The following MVB12B variants were observed in gnomAD, a reference collection of about 807,000 sequenced individuals.
MVB12B encodes the protein multivesicular body subunit 12B.
Under a neutral mutation model 41.6 loss-of-function variants are expected in MVB12B, and 16 were observed. The ratio of observed to expected loss-of-function variants is 0.38; its 90% CI spans 0.26 to 0.58. The LOEUF (loss-of-function observed/expected upper bound fraction) is 0.58, where lower values mean the gene tolerates loss of function less well. MVB12B is among the 20% of genes least tolerant of loss of function. The pLI, the probability that MVB12B is intolerant of heterozygous loss-of-function variation, is 0.62. For synonymous variants in MVB12B, 133 were observed against 139.7 expected, an observed-to-expected ratio of 0.95 and a Z score of 0.34; for missense variants, 274 against 380.2, an observed-to-expected ratio of 0.72 and a Z score of 2.32.
intron 2 of MVB12B, among the ~76,000 whole-genome samples, chr9:126,352,605 C>T (rs1230889688): frequency 6.6e-6 from 1 of 152,202 alleles, no homozygotes; most frequent in African/African-American, 2.4e-5. Flanking sequence ...GAACTCACCA[C>T]CATGTTGTTC....
At chr9:126,454,352 CTT>C (rs1351683258) in intron 7 of MVB12B, among the ~76,000 whole-genome samples, 4 of 152,248 alleles carry the variant, frequency 2.6e-5, no homozygotes, top group Non-Finnish European at 5.9e-5. Flanking sequence ...GTTCCAGCCT[CTT>C]TCCTTCATCC....
intron 9 of MVB12B, among the ~76,000 whole-genome samples, chr9:126,489,251 A>G (rs1326692621): frequency 6.6e-6 from 1 of 152,202 alleles, no homozygotes; most frequent in Non-Finnish European, 1.5e-5. Flanking sequence ...TGCCTGGGGT[A>G]GGGGACAAAT....
At chr9:126,410,185 G>A (rs914658132) in intron 6 of MVB12B, among the ~76,000 whole-genome samples, 1 of 151,026 alleles carries the variant, frequency 6.6e-6, no homozygotes, top group African/African-American at 2.4e-5. Context: ...ACGCATGCAC[G>A]CGCATGCATG....
rs1418280478 is a variant in MVB12B at position 126,478,483 on chromosome 9, G to A, written c.758-2886G>A. 1.3e-5 allele frequency among the ~76,000 whole-genome samples: 2 copies of A among 152,184 alleles called. No homozygotes were observed. Among genetic ancestry groups the A allele is most frequent in the East Asian group, 3.9e-4 (2 of 5,170 alleles). On this transcript the variant is annotated intron_variant, in intron 7 of 9. Transcript: ENST00000361171. The surrounding 1 kb of genome is among the most constrained non-coding windows in gnomAD (Gnocchi z 4.2). Reference sequence around the variant, plus strand: ...TACAATAAGAGGAGAGGAGACACGGGCCTGGCCAGACCCCAGGGAGGACCT... The same window carrying A: ...TACAATAAGAGGAGAGGAGACACGGACCTGGCCAGACCCCAGGGAGGACCT...
At chr9:126,402,713 C>T (rs1831300807) in intron 6 of MVB12B, among the ~76,000 whole-genome samples, 1 of 152,212 alleles carries the variant, frequency 6.6e-6, no homozygotes, top group African/African-American at 2.4e-5. Context: ...GGCCTTCAGA[C>T]ACTTCTGCAG....
Position 126,456,610 on chromosome 9 carries a change from G to T in MVB12B, c.758-24759G>T, listed in dbSNP as rs111479278. ...CTCAGATACTCGGAATATGGTTGAA[G>T]CCTGACTGAATCATAAAGACTGCCT... On this transcript the variant is annotated intron_variant, in intron 7 of 9. Coordinates refer to ENST00000361171, the MANE Select transcript of MVB12B (RefSeq NM_033446.3). Among the ~76,000 whole-genome samples, 590 of 152,288 alleles carry T rather than the reference G, an allele frequency of 3.9e-3. 3 individuals carry two copies. Among genetic ancestry groups the T allele is most frequent in the African/African-American group, 0.014 (568 of 41,562 alleles).
At chr9:126,405,639 A>G (rs758551614) in intron 6 of MVB12B, among the ~76,000 whole-genome samples, 9 of 147,492 alleles carry the variant, frequency 6.1e-5, no homozygotes, top group Non-Finnish European at 1.0e-4. Context: ...CGCCCCAACT[A>G]TGCTGCTCTA....
rs533045410 is a variant in MVB12B at position 126,496,649 on chromosome 9, C to T, written c.874-6528C>T. Among the ~76,000 whole-genome samples the T allele has an allele frequency of 1.6e-4, 25 of 152,128 alleles. 1 individual carries two copies. In the South Asian group the frequency reaches 4.1e-3, roughly 25 times the overall value. ...GCCCCTTTAGTGGTCCTTAAGGACA[C>T]GTAGGACTTTGCCACTTGAGGGAGG... On this transcript the variant is annotated intron_variant, in intron 9 of 9. Coordinates refer to ENST00000361171, the MANE Select transcript of MVB12B (RefSeq NM_033446.3).
chr9:126,454,741 G>A (rs1018589402), intron 7 of MVB12B, among the ~76,000 whole-genome samples: 2 of 151,220 alleles, frequency 1.3e-5, no homozygotes, highest in Non-Finnish European at 2.9e-5. Context: ...TGCATGCCAC[G>A]TAATACAGTG....
intron 2 of MVB12B, among the ~76,000 whole-genome samples, chr9:126,375,643 CG>C (rs1830462519): frequency 6.6e-5 from 10 of 152,102 alleles, no homozygotes; most frequent in Admixed American, 6.6e-4. Context: ...ATTTAATCCT[CG>C]GTTCTGCTGA....
intron 7 of MVB12B, among the ~76,000 whole-genome samples, chr9:126,432,664 G>A (rs184512472): frequency 8.5e-5 from 13 of 152,308 alleles, no homozygotes; most frequent in African/African-American, 2.9e-4. Flanking sequence ...TTTACAGATG[G>A]GGAAACTGAG....
intron 1 of MVB12B, among the ~76,000 whole-genome samples, chr9:126,335,632 C>A (rs1469024858): frequency 6.6e-6 from 1 of 152,234 alleles, no homozygotes; most frequent in Non-Finnish European, 1.5e-5. Context: ...CAGGCAAAGA[C>A]CCTTTCTATG....
intron 2 of MVB12B, among the ~76,000 whole-genome samples, chr9:126,352,593 C>T (rs942504206): frequency 7.2e-5 from 11 of 152,218 alleles, no homozygotes; most frequent in African/African-American, 2.7e-4. Flanking sequence ...AAGAAAACCA[C>T]AGAACTCACC....
At chr9:126,358,683 C>T (rs1008986046) in intron 2 of MVB12B, among the ~76,000 whole-genome samples, 3 of 152,178 alleles carry the variant, frequency 2.0e-5, no homozygotes, top group African/African-American at 4.8e-5. Flanking sequence ...GTTCTTATAA[C>T]GTTTTTGAAT....
At chr9:126,342,452 A>G (rs1829473560) in intron 2 of MVB12B, among the ~76,000 whole-genome samples, 1 of 152,114 alleles carries the variant, frequency 6.6e-6, no homozygotes, top group Admixed American at 6.5e-5. Flanking sequence ...TATCCCTATC[A>G]TTTTCTCCTA....
At chr9:126,393,629 G>T (rs1202882422) in intron 5 of MVB12B, among the ~76,000 whole-genome samples, 5 of 152,226 alleles carry the variant, frequency 3.3e-5, no homozygotes, top group African/African-American at 1.2e-4. Context: ...ATATGGAGGG[G>T]CAGTCAAAAG....
Position 126,503,159 on chromosome 9 carries a change from C to T in MVB12B, c.874-18C>T. Reference sequence around the variant, plus strand: ...CCATGGACTGACTGTGTCTCTCTGTCCCCACCCGCCCCTGCAGTACGAGTA... The same window carrying T: ...CCATGGACTGACTGTGTCTCTCTGTTCCCACCCGCCCCTGCAGTACGAGTA... On this transcript the variant is annotated intron_variant, in intron 9 of 9. Coordinates refer to ENST00000361171, the MANE Select transcript of MVB12B (RefSeq NM_033446.3). The T allele has an allele frequency of 6.5e-7, 1 of 1,547,290 alleles. No individual in the cohort carries two copies. Among genetic ancestry groups the T allele is most frequent in the Non-Finnish European group, 8.7e-7 (1 of 1,143,924 alleles).
chr9:126,423,570 G>A (rs1460982565), intron 7 of MVB12B, among the ~76,000 whole-genome samples: 1 of 152,242 alleles, frequency 6.6e-6, no homozygotes, highest in Non-Finnish European at 1.5e-5. Context: ...AGGTAGTTGA[G>A]GCTACAGCCC....
intron 2 of MVB12B, among the ~76,000 whole-genome samples, chr9:126,373,179 G>T (rs574677346): frequency 2.0e-5 from 3 of 152,368 alleles, no homozygotes; most frequent in African/African-American, 7.2e-5. Flanking sequence ...ATAAGAAAAT[G>T]ATGCAAATAA....
Sources: gnomAD v4.1 joint callset for allele counts (sites outside exome capture counted in the v4.1 genomes callset) on GRCh38, gnomAD v4.1.1 for gene constraint, Gnocchi (gnomAD v3.1) non-coding constraint, MANE v1.5 for transcripts, NCBI Gene and HGNC (gene_info 2026-07-23, HGNC 2026-07-21) for gene names.